The following WDHD1 variants were observed in gnomAD, a reference collection of about 807,000 sequenced individuals.
WDHD1 encodes WD repeat and HMG-box DNA-binding protein 1.
In WDHD1, 111 loss-of-function variants were observed where a neutral mutation model predicts 135.4. The observed-to-expected ratio is 0.82, with a 90% CI of 0.70 to 0.96. The LOEUF is 0.96. Among genes scored for constraint, WDHD1 ranks in the 40% least tolerant of loss-of-function variants. WDHD1 has a pLI of 0.00. For synonymous variants in WDHD1, 434 were observed against 439.0 expected, an observed-to-expected ratio of 0.99 and a Z score of 0.14; for missense variants, 1,351 against 1,336.3, an observed-to-expected ratio of 1.01 and a Z score of -0.17.
chr14:55,001,240 TG>T (rs1446792938), intron 8 of WDHD1, among the ~76,000 whole-genome samples: 1 of 152,160 alleles, frequency 6.6e-6, no homozygotes, highest in African/African-American at 2.4e-5. Context: ...TACTTTATCA[TG>T]AAAAAAATTA....
chr14:55,003,510 G>A (rs1595112355), intron 7 of WDHD1, among the ~76,000 whole-genome samples: 1 of 150,620 alleles, frequency 6.6e-6, no homozygotes. Context: ...GTGAGACCAT[G>A]TCTCAAAAAA....
chr14:55,005,590 C>G lies in WDHD1; in HGVS notation c.600+1690G>C, dbSNP rs556624342. 6.8e-4 allele frequency: 411 copies of G among 600,792 alleles called. 4 individuals carry two copies. The highest frequency in any genetic ancestry group is 5.0e-3 in the South Asian group (354 of 70,534). The allele number at this position is 600,792 out of a possible 1,614,324, so 37.2% of individuals were successfully genotyped here. A position where few individuals can be genotyped will look rare whatever the true frequency, so the allele number is the denominator to read the frequency against. On this transcript the variant is annotated intron_variant, in intron 7 of 25. Coordinates refer to ENST00000360586, the MANE Select transcript of WDHD1 (RefSeq NM_007086.4). ...TCCTTTTATAGATGTACTGTCCCAT[C>G]TGGAAGACAAAGCTGGTGCTACCTA... is the stretch of plus-strand genomic sequence containing the variant.
At position 54,985,011 on chromosome 14, in the gene WDHD1, C is replaced by T. The variant is rs972730715; in HGVS notation, c.1769-151G>A. 5.1e-6 allele frequency: 5 copies of T among 980,670 alleles called. No individual in the cohort carries two copies. The African/African-American group carries it at 8.4e-5, about 16-fold the overall frequency. 60.7% of individuals were successfully genotyped at this position (980,670 alleles called of 1,614,324 possible). On this transcript the variant is annotated intron_variant, in intron 14 of 25. Transcript: ENST00000360586. ...TAACCCATCCAACTGAGGCATCATTCAGGTATTAGAAACACAGTAAGATGT... is the reference window on the plus strand; with the variant it reads ...TAACCCATCCAACTGAGGCATCATTTAGGTATTAGAAACACAGTAAGATGT...
In WDHD1 at chr14:54,966,889, T is replaced by C. The variant is rs182893261; in HGVS notation, c.2179-283A>G. ...GTAAACAAGATTTTTAAAAGCTAAC[T>C]TGTTTCTTATTTAGAATAACTAACT... On this transcript the variant is annotated intron_variant, in intron 17 of 25. Transcript: ENST00000360586. Among the ~76,000 whole-genome samples the C allele has an allele frequency of 3.3e-5, 5 of 152,372 alleles. No individual in the cohort carries two copies. The East Asian group carries it at 7.7e-4, about 23-fold the overall frequency.
At chr14:54,966,736 T>G in intron 17 of WDHD1, 130 bp from the exon 18 acceptor site, 2 of 1,098,324 alleles carry the variant, frequency 1.8e-6, no homozygotes, top group Non-Finnish European at 2.5e-6. Context: ...TAAGTTTATT[T>G]TACAATTTAA....
intron 4 of WDHD1, among the ~76,000 whole-genome samples, chr14:55,009,832 T>C (rs971192141): frequency 6.6e-6 from 1 of 152,150 alleles, no homozygotes; most frequent in African/African-American, 2.4e-5. Flanking sequence ...CCTTTTTTTC[T>C]TTTTTTGAGA....
Position 54,991,228 on chromosome 14 carries a change from G to GCCGTATTATTAAAAAA in WDHD1, c.1325_1326insTTTTTTAATAATACGG (p.Thr443PhefsTer22). The GCCGTATTATTAAAAAA allele has an allele frequency of 6.5e-7, 1 of 1,531,562 alleles. No homozygotes were observed. The highest frequency in any genetic ancestry group is 1.2e-5 in the South Asian group (1 of 82,370). The allele number at this position is 1,531,562 out of a possible 1,614,324, so 94.9% of individuals were successfully genotyped here. A position where few individuals can be genotyped will look rare whatever the true frequency, so the allele number is the denominator to read the frequency against. On this transcript the variant is annotated frameshift_variant, in exon 12 of 26. Transcript: ENST00000360586. LOFTEE classifies it high-confidence loss of function. The stretch of plus-strand genomic sequence containing the variant: ...CAAGTCTTACCATGAATCTGTGAGT[G>GCCGTATTATTAAAAAA]AGATGCAACGGTGTAGAACCTGACT...
intron 21 of WDHD1, among the ~76,000 whole-genome samples, chr14:54,958,092 C>G (rs2041189865): frequency 6.6e-6 from 1 of 151,966 alleles, no homozygotes; most frequent in African/African-American, 2.4e-5. Flanking sequence ...CACATTCCTT[C>G]CAGTCACCAT....
At position 54,991,413 on chromosome 14, in the gene WDHD1, G is replaced by A. The variant is rs1055759237; in HGVS notation, c.1154-13C>T. 2 of 1,607,922 alleles carry A rather than the reference G, an allele frequency of 1.2e-6. No homozygotes were observed. The highest frequency in any genetic ancestry group is 2.2e-5 in the East Asian group (1 of 44,794). ...AGCATTGAAATATCTACAACACAAA[G>A]GATCATAATTAAGGGAATCACGAAT... On this transcript the variant is annotated splice_polypyrimidine_tract_variant and intron_variant, in intron 11 of 25. Transcript: ENST00000360586.
At chr14:54,952,896 T>C (rs1265646264) in intron 24 of WDHD1, among the ~76,000 whole-genome samples, 2 of 152,146 alleles carry the variant, frequency 1.3e-5, no homozygotes, top group East Asian at 1.9e-4. Context: ...ATTTAATAAA[T>C]GGTGCTGGGA....
intron 16 of WDHD1, among the ~76,000 whole-genome samples, chr14:54,975,817 G>A (rs1400965384): frequency 2.0e-5 from 3 of 151,798 alleles, no homozygotes; most frequent in South Asian, 4.2e-4. Flanking sequence ...GGTGTGCACC[G>A]ATGTGACACG....
chr14:54,966,293 C>T (rs1434536369), intron 18 of WDHD1, among the ~76,000 whole-genome samples, 182 bp downstream of exon 18: 2 of 151,922 alleles, frequency 1.3e-5, no homozygotes, highest in Non-Finnish European at 2.9e-5. Context: ...CGAGATCGCA[C>T]CACTGCACTC....
intron 7 of WDHD1, chr14:55,005,691 GA>G (rs2042055160): frequency 4.1e-6 from 2 of 487,734 alleles, no homozygotes; most frequent in African/African-American, 3.9e-5. Context: ...TAGACATTGT[GA>G]AAGTTTCCCT....
intron 11 of WDHD1, among the ~76,000 whole-genome samples, chr14:54,992,539 G>A (rs1364396695): frequency 6.6e-6 from 1 of 152,016 alleles, no homozygotes; most frequent in African/African-American, 2.4e-5. Context: ...TTAAGATATT[G>A]GAAAGCTTCT....
intron 18 of WDHD1, among the ~76,000 whole-genome samples, 184 bp downstream of exon 18, chr14:54,966,291 C>G (rs2041342180): frequency 6.6e-6 from 1 of 151,648 alleles, no homozygotes; most frequent in Non-Finnish European, 1.5e-5. Flanking sequence ...GCCGAGATCG[C>G]ACCACTGCAC....
chr14:54,955,476 A>G, intron 24 of WDHD1, 85 bp downstream of exon 24: 1 of 1,321,322 alleles, frequency 7.6e-7, no homozygotes, highest in Non-Finnish European at 9.8e-7. Flanking sequence ...TGTATTAAGG[A>G]ATAACAGCAT....
rs750672065 is a variant in WDHD1 at position 54,966,594 on chromosome 14, G to A, written c.2191C>T (p.Arg731Cys). ...AGGTGGTTGTGAAATATAACTGAAC[G>A]CCAAAATTGCTCCTATAAAAGCAAA... ...EKGQMEEQFW[R>C]SVIFHNHLDY... Residue 731 changes from arginine to cysteine, a missense_variant, in exon 18 of 26, where the codon CGT (arginine) becomes TGT (cysteine). Coordinates refer to ENST00000360586, the MANE Select transcript of WDHD1 (RefSeq NM_007086.4). 9 of 1,603,764 alleles carry A rather than the reference G, an allele frequency of 5.6e-6. No homozygotes were observed. The African/African-American group carries it at 6.7e-5, about 12-fold the overall frequency.
intron 11 of WDHD1, among the ~76,000 whole-genome samples, chr14:54,992,412 C>T (rs1189915332): frequency 1.3e-5 from 2 of 152,150 alleles, no homozygotes; most frequent in African/African-American, 2.4e-5. Flanking sequence ...ATCACTTGTA[C>T]CCAGAGGGCA....
At position 55,006,945 on chromosome 14, in the gene WDHD1, T is replaced by C. The variant is rs140603626; in HGVS notation, c.600+335A>G. Reference sequence around the variant, plus strand: ...AAACAAAGGTTAAAAATAAGAATCATGCCAGGCACGGTGGCTCACGCCTGT... The same window carrying C: ...AAACAAAGGTTAAAAATAAGAATCACGCCAGGCACGGTGGCTCACGCCTGT... On this transcript the variant is annotated intron_variant, in intron 7 of 25. Coordinates refer to ENST00000360586, the MANE Select transcript of WDHD1 (RefSeq NM_007086.4). 4.2e-3 allele frequency among the ~76,000 whole-genome samples: 645 copies of C among 152,060 alleles called. 5 individuals carry two copies. Among genetic ancestry groups the C allele is most frequent in the Middle Eastern group, 0.01 (3 of 294 alleles).
Sources: allele counts gnomAD v4.1 joint callset (sites outside exome capture counted in the v4.1 genomes callset), GRCh38; gene constraint gnomAD v4.1.1; transcripts MANE v1.5; gene names NCBI Gene and HGNC (gene_info 2026-07-23, HGNC 2026-07-21).